GRM4: variants seen among roughly 807,000 people sequenced by gnomAD.
The protein encoded by GRM4 is glutamate metabotropic receptor 4, also known as metabotropic glutamate receptor 4.
In GRM4, 28 loss-of-function variants were observed where a neutral mutation model predicts 81.7. The observed-to-expected ratio is 0.34, with a 90% confidence interval of 0.25 to 0.47. The LOEUF (loss-of-function observed/expected upper bound fraction) is 0.47. Among genes scored for constraint, GRM4 ranks in the 20% least tolerant of loss-of-function variants. GRM4 has a pLI of 1.00. For synonymous variants in GRM4, 488 were observed against 528.8 expected (o/e 0.92, Z 1.06); for missense variants, 948 against 1,290.0 (o/e 0.73, Z 4.06).
At position 34,040,253 on chromosome 6, in the gene GRM4, G is replaced by A; in HGVS notation, c.1431C>T (p.Ile477=). The change falls in exon 8 of 11, where the codon ATC becomes ATT. Residue 477 remains isoleucine (I), a synonymous_variant. Transcript: ENST00000538487. ...ENGDAPGRYD[I]YQYQLRNDSA... ...AATCGTTGCGCAGCTGGTATTGGTAGATGTCATAGCGCCCAGGCGCATCTC... is the reference window on the plus strand; with the variant it reads ...AATCGTTGCGCAGCTGGTATTGGTAAATGTCATAGCGCCCAGGCGCATCTC... 6.2e-7 allele frequency: 1 copy of A among 1,614,068 alleles called. No homozygotes were observed. Among genetic ancestry groups the A allele is most frequent in the Non-Finnish European group, 8.5e-7 (1 of 1,179,870 alleles).
chr6:34,130,694 A>T lies in GRM4; in HGVS notation c.519+2284T>A, dbSNP rs1439156149. Among the ~76,000 whole-genome samples the T allele has an allele frequency of 6.6e-6, 1 of 152,196 alleles. No individual in the cohort carries two copies. The highest frequency in any genetic ancestry group is 1.5e-5 in the Non-Finnish European group (1 of 68,028). On this transcript the variant is annotated intron_variant, in intron 2 of 10. Transcript: ENST00000538487. This position sits in a 1 kb window ranked among gnomAD's most constrained non-coding sequence, Gnocchi z 4.1. ...ACCATTCCTTGAGCCTTCGCCATGT[A>T]CCAAGTGATGGGGCACTCTCAGCTC...
intron 2 of GRM4, among the ~76,000 whole-genome samples, chr6:34,098,669 C>G (rs1768668420): frequency 6.6e-6 from 1 of 152,254 alleles, no homozygotes; most frequent in Admixed American, 6.5e-5. Flanking sequence ...TGCCGGCTCT[C>G]AGCATCAGCT....
chr6:34,102,338 C>A (rs1288387440), intron 2 of GRM4, among the ~76,000 whole-genome samples: 2 of 152,222 alleles, frequency 1.3e-5, no homozygotes, highest in Non-Finnish European at 2.9e-5. Context: ...CCTCTGATCT[C>A]ATCTCCAGCC....
intron 3 of GRM4, among the ~76,000 whole-genome samples, chr6:34,091,204 G>A (rs1768189868): frequency 2.0e-5 from 3 of 152,232 alleles, no homozygotes; most frequent in South Asian, 2.1e-4. Flanking sequence ...CACCTGCCAA[G>A]GGGATAACCC....
intron 1 of GRM4, among the ~76,000 whole-genome samples, chr6:34,135,291 T>C (rs1236327338): frequency 3.3e-5 from 5 of 152,234 alleles, no homozygotes. Context: ...CCTCAGCTCC[T>C]GAGCTTCTCC....
At chr6:34,031,419 C>G (rs1041882828) in intron 9 of GRM4, among the ~76,000 whole-genome samples, 1 of 152,174 alleles carries the variant, frequency 6.6e-6, no homozygotes, top group Non-Finnish European at 1.5e-5. Flanking sequence ...GGATAGGGCA[C>G]AGGAAGGAGC....
intron 6 of GRM4, among the ~76,000 whole-genome samples, chr6:34,051,150 G>C (rs1765591099): frequency 1.3e-5 from 2 of 152,178 alleles, no homozygotes; most frequent in Non-Finnish European, 1.5e-5. Flanking sequence ...GCCAGGAGGG[G>C]CCTGGGGCTG....
intron 2 of GRM4, among the ~76,000 whole-genome samples, chr6:34,119,739 T>C (rs1195892697): frequency 6.6e-6 from 1 of 152,210 alleles, no homozygotes; most frequent in Non-Finnish European, 1.5e-5. Flanking sequence ...GCAGGGGCAC[T>C]ACGCAGCCAC....
intron 6 of GRM4, among the ~76,000 whole-genome samples, chr6:34,052,671 G>C (rs6922166): frequency 0.25 from 37,367 of 152,082 alleles, 5,378 homozygotes; most frequent in African/African-American, 0.39. Flanking sequence ...TGGAGACAGA[G>C]TGGGGGCAGG....
intron 2 of GRM4, chr6:34,110,627 C>T (rs1769334829): frequency 3.0e-6 from 3 of 998,324 alleles, no homozygotes; most frequent in African/African-American, 3.2e-5. Flanking sequence ...GCCCTGCTCC[C>T]TACCCCCTTA....
chr6:34,083,807 C>G (rs1469961665), intron 3 of GRM4, among the ~76,000 whole-genome samples: 1 of 152,164 alleles, frequency 6.6e-6, no homozygotes, highest in African/African-American at 2.4e-5. Flanking sequence ...AGCGGCAGCA[C>G]CCCTGCCTGC....
At chr6:34,088,488 G>A (rs929467629) in intron 3 of GRM4, among the ~76,000 whole-genome samples, 3 of 152,146 alleles carry the variant, frequency 2.0e-5, no homozygotes, top group South Asian at 2.1e-4. Context: ...CCAGAAAGAC[G>A]AAATGATTTT....
intron 3 of GRM4, among the ~76,000 whole-genome samples, chr6:34,084,824 G>A (rs1767803105): frequency 6.6e-6 from 1 of 152,020 alleles, no homozygotes; most frequent in Non-Finnish European, 1.5e-5. Context: ...TCCTCCTCTT[G>A]TCCAAATACA....
rs771330396 is a variant in GRM4, at chr6:34,078,492, T to G, written c.736+13391A>C. On this transcript the variant is annotated intron_variant, in intron 3 of 10. Transcript: ENST00000538487. The surrounding 1 kb of genome is among the most constrained non-coding windows in gnomAD (Gnocchi z 4.8). ...CCACACCTTCCCTTCTTCCACCCCGTCTTCTTCCCCACCTCCACCTTTCTA... is the reference window on the plus strand; with the variant it reads ...CCACACCTTCCCTTCTTCCACCCCGGCTTCTTCCCCACCTCCACCTTTCTA... Among the ~76,000 whole-genome samples, 8 of 152,066 alleles carry G rather than the reference T, an allele frequency of 5.3e-5. No individual in the cohort carries two copies. Among genetic ancestry groups the G allele is most frequent in the Non-Finnish European group, 1.2e-4 (8 of 68,002 alleles).
rs2127513327 is a variant in GRM4, at chr6:34,136,095, C to T, written c.-363-2236G>A. On this transcript the variant is annotated intron_variant, in intron 1 of 10. Transcript: ENST00000538487. The surrounding 1 kb of genome is among the most constrained non-coding windows in gnomAD (Gnocchi z 4.1). ...CTCGTGGAGAAATCACAGCAAAAGACAACCACTGCCATGTGCCAAGCACTG... is the reference window on the plus strand; with the variant it reads ...CTCGTGGAGAAATCACAGCAAAAGATAACCACTGCCATGTGCCAAGCACTG... Among the ~76,000 whole-genome samples the T allele has an allele frequency of 6.6e-6, 1 of 152,372 alleles. No homozygotes were observed. The highest frequency in any genetic ancestry group is 2.1e-4 in the South Asian group (1 of 4,826).
rs1333565792 is a variant in GRM4 at position 34,133,221 on chromosome 6, G to T, written c.276C>A (p.Asp92Glu). 1.2e-6 allele frequency: 2 copies of T among 1,614,210 alleles called. No individual in the cohort carries two copies. The highest frequency in any genetic ancestry group is 1.7e-6 in the Non-Finnish European group (2 of 1,180,006). Residue 92 changes from aspartate (D) to glutamate (E), a missense_variant, in exon 2 of 11, where the codon GAC (aspartate) becomes GAA (glutamate). Transcript: ENST00000538487. This position sits in a 1 kb window ranked among gnomAD's most constrained non-coding sequence, Gnocchi z 6.5. ...MLFALDRINN[D>E]PDLLPNITLG... The stretch of plus-strand genomic sequence containing the variant: ...GCGTGATGTTAGGCAGCAGGTCCGG[G>T]TCGTTGTTGATGCGATCCAGGGCGA...
chr6:34,093,764 C>T (rs1392741595), intron 2 of GRM4, among the ~76,000 whole-genome samples: 2 of 152,204 alleles, frequency 1.3e-5, no homozygotes, highest in Non-Finnish European at 2.9e-5. Context: ...TGGCCCAGCT[C>T]GGCCACCCAG....
At chr6:34,093,231 GGGGTGCCCCTGGCAAGT>G (rs1188450694) in intron 2 of GRM4, among the ~76,000 whole-genome samples, 8 of 152,230 alleles carry the variant, frequency 5.3e-5, no homozygotes, top group Admixed American at 5.2e-4. Context: ...AGGAGGGTTG[GGGGTGCCCCTGGCAAGT>G]GGTTGCCCAC....
At chr6:34,151,312 T>G (rs958793692) in intron 1 of GRM4, among the ~76,000 whole-genome samples, 1 of 152,154 alleles carries the variant, frequency 6.6e-6, no homozygotes, top group African/African-American at 2.4e-5. Flanking sequence ...TTTCTCCTCC[T>G]CCTTCTCTCT....
Sources: gnomAD v4.1 joint callset for allele counts (sites outside exome capture counted in the v4.1 genomes callset) on GRCh38, gnomAD v4.1.1 for gene constraint, Gnocchi (gnomAD v3.1) non-coding constraint, MANE v1.5 for transcripts, NCBI Gene and HGNC (gene_info 2026-07-23, HGNC 2026-07-21) for gene names.